The following BRD7 variants were observed in gnomAD, a reference collection of about 807,000 sequenced individuals.
BRD7 encodes bromodomain containing 7, also known as bromodomain-containing protein 7.
A neutral mutation model predicts 82.1 loss-of-function variants in BRD7; 15 were observed. The observed-to-expected ratio is 0.18, with a 90% CI of 0.12 to 0.28. The LOEUF (loss-of-function observed/expected upper bound fraction) is 0.28, where lower values mean the gene tolerates loss of function less well. Among genes scored for constraint, BRD7 ranks in the 10% least tolerant of loss-of-function variants. The pLI is 1.00. For missense variants in BRD7, 638 were observed against 779.9 expected, an observed-to-expected ratio of 0.82 and a Z score of 2.17; for synonymous variants, 232 against 266.9, an observed-to-expected ratio of 0.87 and a Z score of 1.27.
intron 5 of BRD7, among the ~76,000 whole-genome samples, chr16:50,348,456 C>G: frequency 6.6e-6 from 1 of 152,124 alleles, no homozygotes; most frequent in South Asian, 2.1e-4. Flanking sequence ...AAAGAAACTA[C>G]CATCAGAGTG....
intron 6 of BRD7, among the ~76,000 whole-genome samples, chr16:50,339,337 A>G (rs1022249896): frequency 3.9e-5 from 6 of 152,242 alleles, no homozygotes; most frequent in African/African-American, 1.4e-4. Context: ...GTACACTCAC[A>G]CAAACCTAGA....
chr16:50,322,914 A>G (rs913131402), intron 12 of BRD7, among the ~76,000 whole-genome samples: 31 of 152,230 alleles, frequency 2.0e-4, no homozygotes, highest in African/African-American at 7.5e-4. Flanking sequence ...CTCTGCTGAC[A>G]GGTCACCCAG....
chr16:50,334,937 AACTTTT>A, intron 6 of BRD7, 42 bp from the exon 7 acceptor site: 1 of 1,584,128 alleles, frequency 6.3e-7, no homozygotes, highest in African/African-American at 1.4e-5. Context: ...GTTTGTCATT[AACTTTT>A]AAAGTAATGC....
rs1212492564 is a variant in BRD7, at chr16:50,328,744, A to G, written c.1012T>C (p.Cys338Arg). ...TCTGGTTTTCTTCTTTCAAATTCGCACTGCAATGACCCAAAGTATTCAGAT... is the reference window on the plus strand; with the variant it reads ...TCTGGTTTTCTTCTTTCAAATTCGCGCTGCAATGACCCAAAGTATTCAGAT... ...KLTRRLVNSQ[C>R]EFERRKPDGT... The change falls in exon 9 of 17, where the codon TGC becomes CGC. Residue 338 changes from cysteine to arginine, a missense_variant and splice_region_variant. This residue lies in a region of BRD7 where 402 missense variants were observed against 500.8 expected (regional missense o/e 0.80). Coordinates refer to ENST00000394688, the MANE Select transcript of BRD7 (RefSeq NM_013263.5). 1 of 1,613,826 alleles carries G rather than the reference A, an allele frequency of 6.2e-7. No individual in the cohort carries two copies. The highest frequency in any genetic ancestry group is 1.7e-5 in the Admixed American group (1 of 59,894).
chr16:50,344,942 A>G (rs1234475849), intron 5 of BRD7, among the ~76,000 whole-genome samples: 1 of 152,204 alleles, frequency 6.6e-6, no homozygotes, highest in African/African-American at 2.4e-5. Context: ...CCTCGAGAAG[A>G]GCAACTCCAA....
At chr16:50,350,687 G>T (rs2038482329) in intron 4 of BRD7, among the ~76,000 whole-genome samples, 1 of 152,062 alleles carries the variant, frequency 6.6e-6, no homozygotes, top group African/African-American at 2.4e-5. Context: ...CATTAAAAAG[G>T]TCCTCTTAAA....
intron 1 of BRD7, 50 bp from the exon 2 acceptor site, chr16:50,368,348 G>A (rs2039231497): frequency 1.3e-6 from 2 of 1,580,736 alleles, no homozygotes; most frequent in South Asian, 1.1e-5. Context: ...TAAAATCGGG[G>A]CTCTCCAGGG....
intron 4 of BRD7, among the ~76,000 whole-genome samples, chr16:50,353,071 C>CTTT (rs148217111): frequency 9.6e-4 from 139 of 144,774 alleles, no homozygotes; most frequent in Middle Eastern, 3.5e-3. Flanking sequence ...TCAGTAAGTT[C>CTTT]TTTTTTTTTT....
At chr16:50,339,664 C>T (rs192031368) in intron 6 of BRD7, among the ~76,000 whole-genome samples, 162 of 152,294 alleles carry the variant, frequency 1.1e-3, no homozygotes, top group African/African-American at 3.6e-3. Flanking sequence ...CTTTCCTCTT[C>T]AGAGTTCTCA....
At chr16:50,356,974 A>G (rs562072532) in intron 2 of BRD7, among the ~76,000 whole-genome samples, 1 of 152,320 alleles carries the variant, frequency 6.6e-6, no homozygotes, top group East Asian at 1.9e-4. Context: ...TTTTATTTCT[A>G]GTATCTACAG....
chr16:50,324,578 G>C (rs1256996832), intron 11 of BRD7, among the ~76,000 whole-genome samples: 4 of 152,274 alleles, frequency 2.6e-5, no homozygotes, highest in African/African-American at 9.6e-5. Flanking sequence ...CTCCCACTCA[G>C]GCCCTCTGCA....
At chr16:50,348,769 A>C (rs556827468) in intron 5 of BRD7, among the ~76,000 whole-genome samples, 10 of 152,276 alleles carry the variant, frequency 6.6e-5, no homozygotes, top group Admixed American at 1.3e-4. Flanking sequence ...AGGTGCTGGA[A>C]AGGATGTGGA....
chr16:50,334,075 A>ATC (rs2037687160), intron 7 of BRD7, among the ~76,000 whole-genome samples: 1 of 152,240 alleles, frequency 6.6e-6, no homozygotes, highest in Non-Finnish European at 1.5e-5. Context: ...GAACAAAGAA[A>ATC]AACTTGTCAC....
At chr16:50,344,879 A>C (rs1170000457) in intron 5 of BRD7, among the ~76,000 whole-genome samples, 2 of 152,226 alleles carry the variant, frequency 1.3e-5, no homozygotes, top group Non-Finnish European at 2.9e-5. Flanking sequence ...CCAACCTAGC[A>C]AGGCAGGCCA....
chr16:50,348,449 G>T (rs1444867390), intron 5 of BRD7, among the ~76,000 whole-genome samples: 3 of 152,136 alleles, frequency 2.0e-5, no homozygotes, highest in Non-Finnish European at 4.4e-5. Flanking sequence ...CACAGCAAAA[G>T]AAACTACCAT....
intron 8 of BRD7, among the ~76,000 whole-genome samples, chr16:50,331,664 T>C (rs981538884): frequency 1.3e-5 from 2 of 152,236 alleles, no homozygotes; most frequent in African/African-American, 4.8e-5. Flanking sequence ...ATTGTGCCAC[T>C]GCACACTCCA....
At chr16:50,354,564 C>A in intron 3 of BRD7, 82 bp from the exon 4 acceptor site, 3 of 1,280,654 alleles carry the variant, frequency 2.3e-6, no homozygotes, top group Non-Finnish European at 3.3e-6. Context: ...TTTCTACAAC[C>A]ATTATTAAAT....
At chr16:50,333,513 C>T in intron 8 of BRD7, 61 bp downstream of exon 8, 1 of 1,584,124 alleles carries the variant, frequency 6.3e-7, no homozygotes, top group South Asian at 1.1e-5. Context: ...AATTTAAAAA[C>T]TAAAAGTTTC....
At chr16:50,336,890 C>T (rs1200871560) in intron 6 of BRD7, among the ~76,000 whole-genome samples, 1 of 152,148 alleles carries the variant, frequency 6.6e-6, no homozygotes. Flanking sequence ...ATTAAAATGC[C>T]TCCAAGTCAG....
Sources: allele counts gnomAD v4.1 joint callset (sites outside exome capture counted in the v4.1 genomes callset), GRCh38; gene constraint gnomAD v4.1.1; regional missense constraint gnomAD v4.1.1; transcripts MANE v1.5; gene names NCBI Gene and HGNC (gene_info 2026-07-23, HGNC 2026-07-21).